NKIRAS1: variants seen among roughly 807,000 people sequenced by gnomAD.
NKIRAS1 encodes the protein NF-kappa-B inhibitor-interacting Ras-like protein 1.
A neutral mutation model predicts 19.8 loss-of-function variants in NKIRAS1; 16 were observed. The ratio of observed to expected loss-of-function variants is 0.81; its 90% confidence interval spans 0.55 to 1.23. NKIRAS1 has a LOEUF of 1.23. Ranked by LOEUF, NKIRAS1 falls within the 50% of genes most tolerant of loss-of-function variation. The pLI, the probability that NKIRAS1 is intolerant of heterozygous loss-of-function variation, is 0.00. For synonymous variants in NKIRAS1, 88 were observed against 79.0 expected, an observed-to-expected ratio of 1.11 and a Z score of -0.61; for missense variants, 184 against 220.0, an observed-to-expected ratio of 0.84 and a Z score of 1.04.
At chr3:23,942,839 C>A (rs765694691) in intron 1 of NKIRAS1, among the ~76,000 whole-genome samples, 1 of 152,150 alleles carries the variant, frequency 6.6e-6, no homozygotes, top group Non-Finnish European at 1.5e-5. Context: ...GCCTCAACCT[C>A]CCAGATCAAG....
chr3:23,931,143 C>G (rs985033092), intron 1 of NKIRAS1, among the ~76,000 whole-genome samples: 1 of 152,182 alleles, frequency 6.6e-6, no homozygotes, highest in Non-Finnish European at 1.5e-5. Flanking sequence ...ATCAGTGGCT[C>G]TAATACCGTA....
intron 1 of NKIRAS1, among the ~76,000 whole-genome samples, chr3:23,944,063 G>T (rs558212076): frequency 4.6e-5 from 7 of 152,200 alleles, no homozygotes; most frequent in Non-Finnish European, 8.8e-5. Context: ...AAGAGATAAT[G>T]GTTTGCTCTA....
At position 23,896,756 on chromosome 3, in the gene NKIRAS1, T is replaced by C. The variant is rs1263218052; in HGVS notation, c.337-3419A>G. On this transcript the variant is annotated intron_variant, in intron 4 of 4. Coordinates refer to ENST00000425478, the MANE Select transcript of NKIRAS1 (RefSeq NM_020345.4). ...TGGGAGGCTGAGGAAGGAGGACTGT[T>C]TGAGACCAGGAGTTCAAGACTAGCC... is the stretch of plus-strand genomic sequence containing the variant. Among the ~76,000 whole-genome samples the C allele has an allele frequency of 3.3e-5, 5 of 152,000 alleles. No homozygotes were observed. In the East Asian group the frequency reaches 9.6e-4, roughly 29 times the overall value.
chr3:23,899,723 G>T (rs1702318407), intron 4 of NKIRAS1, among the ~76,000 whole-genome samples: 1 of 152,224 alleles, frequency 6.6e-6, no homozygotes, highest in South Asian at 2.1e-4. Context: ...GGACAGGCAT[G>T]GGCCAGGTAA....
chr3:23,910,985 T>C (rs1231372769), intron 2 of NKIRAS1, 64 bp from the exon 3 acceptor site: 2 of 1,246,746 alleles, frequency 1.6e-6, no homozygotes, highest in Non-Finnish European at 2.3e-6. Context: ...TCTTTTTCTT[T>C]CAGTATTTCA....
chr3:23,897,214 A>G (rs1014014843), intron 4 of NKIRAS1, among the ~76,000 whole-genome samples: 23 of 152,140 alleles, frequency 1.5e-4, no homozygotes, highest in African/African-American at 4.3e-4. Context: ...TAGGGAAAAA[A>G]AAAAAGGAGG....
Position 23,922,535 on chromosome 3 carries a change from G to C in NKIRAS1, c.-139-11085C>G. On this transcript the variant is annotated intron_variant, in intron 1 of 4. Coordinates refer to the NKIRAS1 transcript ENST00000421515. This position sits in a 1 kb window ranked among gnomAD's most constrained non-coding sequence, Gnocchi z 4.2. ...CCCGAGTAGCTGGGACTACAGGCAC[G>C]CACCACCACACCCAGCTAATTTTTG... is the stretch of plus-strand genomic sequence containing the variant. The C allele has an allele frequency of 6.6e-6, 1 of 151,956 alleles. No individual in the cohort carries two copies. Among genetic ancestry groups the C allele is most frequent in the Non-Finnish European group, 1.5e-5 (1 of 68,042 alleles). The allele number at this position is 151,956 out of a possible 1,614,324, so 9.4% of individuals were successfully genotyped here. A position where few individuals can be genotyped will look rare whatever the true frequency, so the allele number is the denominator to read the frequency against.
chr3:23,915,410 C>G (rs1168694732), intron 1 of NKIRAS1, among the ~76,000 whole-genome samples: 1 of 152,150 alleles, frequency 6.6e-6, no homozygotes, highest in African/African-American at 2.4e-5. Context: ...CAGACCTAGT[C>G]TGATGTACAA....
intron 4 of NKIRAS1, 44 bp downstream of exon 4, chr3:23,900,764 T>C (rs1702449410): frequency 2.7e-6 from 4 of 1,498,706 alleles, no homozygotes; most frequent in Middle Eastern, 3.5e-4. Context: ...ATAATTTAAA[T>C]GGTATTATAA....
At chr3:23,937,405 C>CA in intron 1 of NKIRAS1, among the ~76,000 whole-genome samples, 1 of 152,092 alleles carries the variant, frequency 6.6e-6, no homozygotes, top group South Asian at 2.1e-4. Context: ...TGAACTCATG[C>CA]TAGGAGAGAT....
chr3:23,945,661 G>T, intron 1 of NKIRAS1: 1 of 1,077,036 alleles, frequency 9.3e-7, no homozygotes, highest in Non-Finnish European at 1.2e-6. Context: ...GGGGCACTTT[G>T]GGGGGCGGCG....
Position 23,936,082 on chromosome 3 carries a change from C to CAAAAAA in NKIRAS1, c.-140+10235_-140+10240dup, listed in dbSNP as rs35945213. Among the ~76,000 whole-genome samples the CAAAAAA allele has an allele frequency of 6.7e-3, 426 of 63,522 alleles. 9 individuals carry two copies. The highest frequency in any genetic ancestry group is 0.019 in the Middle Eastern group (1 of 52). The allele number at this position is 63,522 out of a possible 152,430, so 41.7% of individuals were successfully genotyped here. ...TGGGCGACAGAAAGGGACCCTGTCT[C>CAAAAAA]AAAAAAAAAAAAAAAAAAAAAAAAG... On this transcript the variant is annotated intron_variant, in intron 1 of 4. Transcript: ENST00000421515.
At chr3:23,914,565 G>A (rs1470632650) in intron 1 of NKIRAS1, among the ~76,000 whole-genome samples, 1 of 152,146 alleles carries the variant, frequency 6.6e-6, no homozygotes, top group Non-Finnish European at 1.5e-5. Flanking sequence ...AAAATAAAAT[G>A]TAATAAAGCA....
intron 1 of NKIRAS1, among the ~76,000 whole-genome samples, chr3:23,942,707 C>T (rs1339799519): frequency 1.3e-5 from 2 of 152,096 alleles, no homozygotes; most frequent in Non-Finnish European, 2.9e-5. Flanking sequence ...CTGGGTGAGC[C>T]ACCGCTCCCG....
intron 1 of NKIRAS1, among the ~76,000 whole-genome samples, chr3:23,944,981 C>G (rs1468863400): frequency 1.3e-5 from 2 of 151,736 alleles, no homozygotes; most frequent in Non-Finnish European, 2.9e-5. Flanking sequence ...GGAGAGGACT[C>G]CCGGCCAGAG....
chr3:23,939,017 C>A (rs1705446055), intron 1 of NKIRAS1, among the ~76,000 whole-genome samples: 1 of 152,154 alleles, frequency 6.6e-6, no homozygotes, highest in African/African-American at 2.4e-5. Context: ...GCCAAGAGAC[C>A]CTGAGCCAGA....
upstream of NKIRAS1, chr3:23,918,054 G>C (rs369302129): frequency 1.3e-6 from 2 of 1,594,206 alleles, no homozygotes; most frequent in African/African-American, 2.7e-5. Context: ...CTGCGTGGAT[G>C]CTTGGATAAA....
chr3:23,930,250 T>C (rs1209121703), intron 1 of NKIRAS1, among the ~76,000 whole-genome samples: 1 of 152,148 alleles, frequency 6.6e-6, no homozygotes, highest in East Asian at 1.9e-4. Context: ...AGCAACACCC[T>C]GACAGCCATG....
intron 3 of NKIRAS1, among the ~76,000 whole-genome samples, chr3:23,905,099 G>C (rs1233822221): frequency 6.6e-6 from 1 of 152,172 alleles, no homozygotes; most frequent in Admixed American, 6.5e-5. Flanking sequence ...AAAGTGCTGG[G>C]ATTCCAGTGG....
Sources: allele counts gnomAD v4.1 joint callset (sites outside exome capture counted in the v4.1 genomes callset), GRCh38; gene constraint gnomAD v4.1.1; non-coding constraint Gnocchi (gnomAD v3.1); transcripts MANE v1.5; gene names NCBI Gene and HGNC (gene_info 2026-07-23, HGNC 2026-07-21).